Variants in KCNQ1 observed in about 807,000 individuals in gnomAD.
KCNQ1 encodes the protein potassium voltage-gated channel subfamily KQT member 1.
Under a neutral mutation model 72.4 loss-of-function variants are expected in KCNQ1, and 49 were observed. The ratio of observed to expected loss-of-function variants is 0.68; its 90% CI spans 0.54 to 0.86. The LOEUF is 0.86. KCNQ1 is among the 40% of genes least tolerant of loss of function. KCNQ1 has a pLI of 0.00. For synonymous variants in KCNQ1, 450 were observed against 412.6 expected, an observed-to-expected ratio of 1.09 and a Z score of -1.10; for missense variants, 790 against 945.1, an observed-to-expected ratio of 0.84 and a Z score of 2.15.
At chr11:2,590,397 C>T (rs553121818) in intron 10 of KCNQ1, among the ~76,000 whole-genome samples, 6 of 152,232 alleles carry the variant, frequency 3.9e-5, no homozygotes, top group Non-Finnish European at 8.8e-5. Flanking sequence ...CAGAAGCCCC[C>T]GTCCCAGGGC....
At chr11:2,697,853 A>G (rs1254214550) in intron 11 of KCNQ1, 1 of 398,676 alleles carries the variant, frequency 2.5e-6, no homozygotes. Context: ...GAATTTGGAC[A>G]TGCTCTGATT....
rs962297316 is a variant in KCNQ1, at chr11:2,752,711, T to C, written c.1515-16133T>C. ...CCTCACGGCCGAATCACCTCTCAAA[T>C]GCGCCATCTCCTAACACCATCAGGG... On this transcript the variant is annotated intron_variant, in intron 11 of 15. Transcript: ENST00000155840. The surrounding 1 kb of genome is among the most constrained non-coding windows in gnomAD (Gnocchi z 5.2). Among the ~76,000 whole-genome samples the C allele has an allele frequency of 6.6e-6, 1 of 152,092 alleles. No individual in the cohort carries two copies. The highest frequency in any genetic ancestry group is 1.5e-5 in the Non-Finnish European group (1 of 68,020).
chr11:2,627,150 G>C lies in KCNQ1; in HGVS notation c.1394-34811G>C, dbSNP rs1849274453. ...GACTTTCACCTCCTTGGTAAAGTTGGTTCCTAAGTTTGTTATTCTTGATGC... is the reference window on the plus strand; with the variant it reads ...GACTTTCACCTCCTTGGTAAAGTTGCTTCCTAAGTTTGTTATTCTTGATGC... On this transcript the variant is annotated intron_variant, in intron 10 of 15. Transcript: ENST00000155840. The surrounding 1 kb of genome is among the most constrained non-coding windows in gnomAD (Gnocchi z 4.9). 1 of 398,446 alleles carries C rather than the reference G, an allele frequency of 2.5e-6. No individual in the cohort carries two copies. The highest frequency in any genetic ancestry group is 4.4e-6 in the Non-Finnish European group (1 of 226,030). The allele number at this position is 398,446 out of a possible 1,614,324, so 24.7% of individuals were successfully genotyped here. A position where few individuals can be genotyped will look rare whatever the true frequency, so the allele number is the denominator to read the frequency against.
intron 10 of KCNQ1, chr11:2,640,162 G>C: frequency 2.7e-6 from 1 of 373,360 alleles, no homozygotes; most frequent in Admixed American, 4.6e-5. Flanking sequence ...TCCCAGGTGA[G>C]GCGATGCCTC....
rs1847505310 is a variant in KCNQ1, at chr11:2,526,328, A to C, written c.387-1600A>C. 6.6e-6 allele frequency among the ~76,000 whole-genome samples: 1 copy of C among 152,034 alleles called. No homozygotes were observed. The highest frequency in any genetic ancestry group is 2.4e-5 in the African/African-American group (1 of 41,388). On this transcript the variant is annotated intron_variant, in intron 1 of 15. Coordinates refer to ENST00000155840, the MANE Select transcript of KCNQ1 (RefSeq NM_000218.3). The surrounding 1 kb of genome is among the most constrained non-coding windows in gnomAD (Gnocchi z 6.1). The stretch of plus-strand genomic sequence containing the variant: ...AGGGGCTGGCTGGGTTCGGCTCTGC[A>C]GGTAGAGCTGACCGGTGTGGCAGGG...
In KCNQ1 at chr11:2,776,073, C is replaced by G; in HGVS notation, c.1685+19C>G. ...AGAGGAGGTGGGCACGGCCAAACGGCAGCGGGGAGGGTGCCCAGGTCCTGC... is the reference window on the plus strand; with the variant it reads ...AGAGGAGGTGGGCACGGCCAAACGGGAGCGGGGAGGGTGCCCAGGTCCTGC... On this transcript the variant is annotated intron_variant, in intron 13 of 15. Coordinates refer to ENST00000155840, the MANE Select transcript of KCNQ1 (RefSeq NM_000218.3). 1 of 1,544,500 alleles carries G rather than the reference C, an allele frequency of 6.5e-7. No homozygotes were observed. Among genetic ancestry groups the G allele is most frequent in the Middle Eastern group, 2.0e-4 (1 of 5,124 alleles).
chr11:2,607,257 C>T (rs1848896220), intron 10 of KCNQ1, among the ~76,000 whole-genome samples: 1 of 151,996 alleles, frequency 6.6e-6, no homozygotes, highest in South Asian at 2.1e-4. Flanking sequence ...CCTTTCTATT[C>T]CTAGTATATT....
chr11:2,551,206 C>A (rs943682488), intron 2 of KCNQ1, among the ~76,000 whole-genome samples: 1 of 152,166 alleles, frequency 6.6e-6, no homozygotes, highest in African/African-American at 2.4e-5. Context: ...CCTGTAACCA[C>A]CCCCAAAGTC....
chr11:2,826,508 T>G lies in KCNQ1; in HGVS notation c.1795-21259T>G, dbSNP rs1847844343. Among the ~76,000 whole-genome samples the G allele has an allele frequency of 6.6e-6, 1 of 152,184 alleles. No homozygotes were observed. The highest frequency in any genetic ancestry group is 2.4e-5 in the African/African-American group (1 of 41,444). ...CGGCGTTGGGTGCGCCAGGCCGGTG[T>G]GGGAGCACTTTCCCCCGCCCCCTCC... On this transcript the variant is annotated intron_variant, in intron 15 of 15. Transcript: ENST00000155840. The surrounding 1 kb of genome is among the most constrained non-coding windows in gnomAD (Gnocchi z 4.2).
intron 11 of KCNQ1, chr11:2,684,195 ACT>A (rs1326890040): frequency 2.5e-6 from 1 of 398,436 alleles, no homozygotes; most frequent in Non-Finnish European, 4.4e-6. Flanking sequence ...GCTTGGTCAG[ACT>A]CTGCCAGGAG....
intron 11 of KCNQ1, among the ~76,000 whole-genome samples, chr11:2,761,065 G>C (rs1487026516): frequency 6.6e-6 from 1 of 152,246 alleles, no homozygotes; most frequent in Non-Finnish European, 1.5e-5. Flanking sequence ...CGTACTGGAA[G>C]AATCAGATCA....
At position 2,608,276 on chromosome 11, in the gene KCNQ1, A is replaced by G; in HGVS notation, c.1393+19422A>G. 1 of 397,702 alleles carries G rather than the reference A, an allele frequency of 2.5e-6. No homozygotes were observed. Among genetic ancestry groups the G allele is most frequent in the Non-Finnish European group, 4.4e-6 (1 of 225,836 alleles). The allele number at this position is 397,702 out of a possible 1,614,324, so 24.6% of individuals were successfully genotyped here. On this transcript the variant is annotated intron_variant, in intron 10 of 15. Transcript: ENST00000155840. This position sits in a 1 kb window ranked among gnomAD's most constrained non-coding sequence, Gnocchi z 4.6. Reference sequence around the variant, plus strand: ...TTTTCAACTAGTGTTCTCATAACTAATTCAATCTCTTTAACTTATTACAGA... The same window carrying G: ...TTTTCAACTAGTGTTCTCATAACTAGTTCAATCTCTTTAACTTATTACAGA...
intron 1 of KCNQ1, among the ~76,000 whole-genome samples, chr11:2,517,825 A>C (rs971069669): frequency 1.2e-4 from 18 of 152,194 alleles, no homozygotes; most frequent in Admixed American, 2.0e-4. Flanking sequence ...GGAGGCTCCC[A>C]GCGATCTGTC....
rs1373344275 is a variant in KCNQ1, at chr11:2,752,564, G to A, written c.1515-16280G>A. Among the ~76,000 whole-genome samples the A allele has an allele frequency of 6.6e-6, 1 of 152,178 alleles. No individual in the cohort carries two copies. Among genetic ancestry groups the A allele is most frequent in the Non-Finnish European group, 1.5e-5 (1 of 68,024 alleles). ...AGATCTGGTGTCTGGTAAGGGGTCT[G>A]TCTGATTCATGGAAGTCAGCGGGCT... On this transcript the variant is annotated intron_variant, in intron 11 of 15. Transcript: ENST00000155840. This position sits in a 1 kb window ranked among gnomAD's most constrained non-coding sequence, Gnocchi z 5.2.
intron 11 of KCNQ1, chr11:2,680,206 TA>T (rs139249507): frequency 0.12 from 41,608 of 352,364 alleles, 68 homozygotes; most frequent in Middle Eastern, 0.14. Flanking sequence ...CTTGCCTAAT[TA>T]AAAAAAAAAA....
intron 1 of KCNQ1, among the ~76,000 whole-genome samples, chr11:2,459,903 G>A (rs973063829): frequency 6.6e-6 from 1 of 151,714 alleles, no homozygotes; most frequent in South Asian, 2.1e-4. Flanking sequence ...TTTTTTAAAT[G>A]TGGTTATCTG....
chr11:2,819,612 G>T (rs923651662), intron 15 of KCNQ1, among the ~76,000 whole-genome samples: 6 of 152,186 alleles, frequency 3.9e-5, no homozygotes, highest in Non-Finnish European at 7.4e-5. Context: ...TCTTGTGTTT[G>T]CTTGAGCAGT....
chr11:2,682,173 TC>T lies in KCNQ1; in HGVS notation c.1514+20094del. On this transcript the variant is annotated intron_variant, in intron 11 of 15. Transcript: ENST00000155840. This position sits in a 1 kb window ranked among gnomAD's most constrained non-coding sequence, Gnocchi z 5.8. Reference sequence around the variant, plus strand: ...TCAGTATTAAACATATCAAGCTCTCTCCTGACCTTCTCTCCCCTTCCCCAGG... The same window carrying T: ...TCAGTATTAAACATATCAAGCTCTCTCTGACCTTCTCTCCCCTTCCCCAGG... 1 of 398,586 alleles carries T rather than the reference TC, an allele frequency of 2.5e-6. No homozygotes were observed. The highest frequency in any genetic ancestry group is 4.4e-6 in the Non-Finnish European group (1 of 226,062). The allele number at this position is 398,586 out of a possible 1,614,324, so 24.7% of individuals were successfully genotyped here. A position where few individuals can be genotyped will look rare whatever the true frequency, so the allele number is the denominator to read the frequency against.
chr11:2,675,470 T>C, intron 11 of KCNQ1: 1 of 398,618 alleles, frequency 2.5e-6, no homozygotes, highest in Non-Finnish European at 4.4e-6. Flanking sequence ...AAAAGTTACA[T>C]AAAAACGTAA....
Sources: allele counts gnomAD v4.1 joint callset (sites outside exome capture counted in the v4.1 genomes callset), GRCh38; gene constraint gnomAD v4.1.1; non-coding constraint Gnocchi (gnomAD v3.1); transcripts MANE v1.5; gene names NCBI Gene and HGNC (gene_info 2026-07-23, HGNC 2026-07-21).